DLG2: variants seen among roughly 807,000 people sequenced by gnomAD.
The protein encoded by DLG2 is disks large homolog 2.
In DLG2, 45 loss-of-function variants were observed where a neutral mutation model predicts 132.5. The observed-to-expected ratio is 0.34, with a 90% CI of 0.27 to 0.44. DLG2 has a LOEUF of 0.44. Among genes scored for constraint, DLG2 ranks in the 20% least tolerant of loss-of-function variants. The probability of loss-of-function intolerance (pLI) is 1.00; values close to 1 mark genes in which losing one functional copy is unlikely to be tolerated. For missense variants in DLG2, 1,045 were observed against 1,196.9 expected, an observed-to-expected ratio of 0.87 and a Z score of 1.87; for synonymous variants, 424 against 419.6, an observed-to-expected ratio of 1.01 and a Z score of -0.13.
intron 7 of DLG2, among the ~76,000 whole-genome samples, chr11:84,376,026 C>T (rs1486213462): frequency 2.0e-5 from 3 of 151,804 alleles, no homozygotes; most frequent in African/African-American, 4.8e-5. Context: ...TTTTTTTCCA[C>T]GTAATAAGAT....
At chr11:85,521,518 C>A (rs1419591427) in intron 3 of DLG2, among the ~76,000 whole-genome samples, 1 of 152,022 alleles carries the variant, frequency 6.6e-6, no homozygotes, top group Non-Finnish European at 1.5e-5. Flanking sequence ...GAGTGGGGTA[C>A]TGCTATAAAG....
intron 19 of DLG2, among the ~76,000 whole-genome samples, chr11:83,584,223 C>G (rs1414755735): frequency 6.6e-6 from 1 of 152,164 alleles, no homozygotes; most frequent in East Asian, 1.9e-4. Flanking sequence ...AAGACACTAT[C>G]TTACTCATTT....
chr11:84,792,714 T>C (rs2074036403), intron 6 of DLG2, among the ~76,000 whole-genome samples: 1 of 152,162 alleles, frequency 6.6e-6, no homozygotes, highest in Admixed American at 6.5e-5. Context: ...GACATATAGT[T>C]GCTCATGGTA....
intron 4 of DLG2, among the ~76,000 whole-genome samples, chr11:85,252,977 A>T (rs979343274): frequency 6.6e-5 from 10 of 152,210 alleles, no homozygotes; most frequent in Admixed American, 1.3e-4. Context: ...CAAATTTTTT[A>T]AAAAATTCTA....
chr11:83,622,062 C>G (rs1363201423), intron 19 of DLG2, among the ~76,000 whole-genome samples: 2 of 152,096 alleles, frequency 1.3e-5, no homozygotes, highest in African/African-American at 2.4e-5. Context: ...TTACAGGTGC[C>G]TGCCACCATG....
At chr11:85,332,508 T>C (rs1211378194) in intron 3 of DLG2, among the ~76,000 whole-genome samples, 1 of 152,212 alleles carries the variant, frequency 6.6e-6, no homozygotes, top group African/African-American at 2.4e-5. Context: ...GAATTGTTTT[T>C]GGAGACTTCA....
chr11:85,531,183 A>T (rs571323633), intron 3 of DLG2, among the ~76,000 whole-genome samples: 25 of 152,240 alleles, frequency 1.6e-4, no homozygotes, highest in Non-Finnish European at 2.8e-4. Context: ...CATTATAGTG[A>T]TATCAAACTT....
intron 3 of DLG2, among the ~76,000 whole-genome samples, chr11:85,390,606 G>A (rs1250309183): frequency 6.6e-6 from 1 of 151,276 alleles, no homozygotes; most frequent in Non-Finnish European, 1.5e-5. Flanking sequence ...GACCACAGTG[G>A]AAAAAAAATG....
At chr11:85,067,842 C>T (rs926462638) in intron 6 of DLG2, among the ~76,000 whole-genome samples, 19 of 151,944 alleles carry the variant, frequency 1.3e-4, no homozygotes, top group Middle Eastern at 3.4e-3. Context: ...GGGAGAGACA[C>T]AACAAAAAAA....
At chr11:84,433,575 AT>A (rs754602870) in intron 7 of DLG2, among the ~76,000 whole-genome samples, 1 of 152,254 alleles carries the variant, frequency 6.6e-6, no homozygotes, top group Non-Finnish European at 1.5e-5. Flanking sequence ...TATTCAGAGA[AT>A]TTGTTGGTAC....
chr11:83,950,077 T>C (rs2085010192), intron 14 of DLG2, among the ~76,000 whole-genome samples: 1 of 152,222 alleles, frequency 6.6e-6, no homozygotes, highest in Non-Finnish European at 1.5e-5. Flanking sequence ...AGCCTTGGGT[T>C]AGTCAACATC....
At chr11:83,904,170 T>C (rs539639496) in intron 15 of DLG2, among the ~76,000 whole-genome samples, 1 of 152,192 alleles carries the variant, frequency 6.6e-6, no homozygotes, top group Non-Finnish European at 1.5e-5. Flanking sequence ...CATGGATACC[T>C]GGACTAAGGG....
intron 18 of DLG2, among the ~76,000 whole-genome samples, chr11:83,736,792 T>C (rs2091956307): frequency 1.3e-5 from 2 of 152,192 alleles, no homozygotes; most frequent in Admixed American, 6.5e-5. Flanking sequence ...CAGCTCATAA[T>C]GCACAGTGAA....
intron 6 of DLG2, among the ~76,000 whole-genome samples, chr11:84,572,523 G>C (rs1354281908): frequency 2.0e-5 from 3 of 152,144 alleles, no homozygotes; most frequent in Non-Finnish European, 2.9e-5. Context: ...GCTTTAAACT[G>C]AGATCAACCA....
At chr11:83,821,860 A>T (rs1189132442) in intron 17 of DLG2, among the ~76,000 whole-genome samples, 1 of 152,154 alleles carries the variant, frequency 6.6e-6, no homozygotes, top group East Asian at 1.9e-4. Flanking sequence ...ACATATAAAC[A>T]CTGTTACAAA....
At chr11:84,843,619 A>G (rs1213208710) in intron 6 of DLG2, among the ~76,000 whole-genome samples, 1 of 151,934 alleles carries the variant, frequency 6.6e-6, no homozygotes. Flanking sequence ...AAAATGGTAT[A>G]GTATTTGCAT....
chr11:84,206,279 T>G (rs556693831), intron 8 of DLG2, among the ~76,000 whole-genome samples: 1 of 152,094 alleles, frequency 6.6e-6, no homozygotes, highest in Non-Finnish European at 1.5e-5. Flanking sequence ...AGTAATTCCA[T>G]GTCCACATGG....
intron 15 of DLG2, among the ~76,000 whole-genome samples, chr11:83,916,221 G>A (rs1261209859): frequency 6.6e-6 from 1 of 152,122 alleles, no homozygotes; most frequent in Non-Finnish European, 1.5e-5. Flanking sequence ...TTGTATACAA[G>A]CTTTGTAAGG....
chr11:84,965,326 A>G (rs890695349), intron 6 of DLG2, among the ~76,000 whole-genome samples: 2 of 151,962 alleles, frequency 1.3e-5, no homozygotes, highest in Non-Finnish European at 2.9e-5. Context: ...AAAAATTATG[A>G]TATCAAATGT....
Sources: gnomAD v4.1 joint callset for allele counts (sites outside exome capture counted in the v4.1 genomes callset) on GRCh38, gnomAD v4.1.1 for gene constraint, MANE v1.5 for transcripts, NCBI Gene and HGNC (gene_info 2026-07-23, HGNC 2026-07-21) for gene names.